SMARCC2: variants seen among roughly 807,000 people sequenced by gnomAD.
SMARCC2 encodes the protein SWI/SNF related BAF chromatin remodeling complex subunit C2, also known as SWI/SNF complex subunit SMARCC2.
In SMARCC2, 15 loss-of-function variants were observed where a neutral mutation model predicts 151.3. The observed-to-expected ratio is 0.10, with a 90% CI of 0.07 to 0.15. The LOEUF (loss-of-function observed/expected upper bound fraction) is 0.15, where lower values mean the gene tolerates loss of function less well. Among genes scored for constraint, SMARCC2 ranks in the 10% least tolerant of loss-of-function variants. SMARCC2 has a pLI of 1.00. For missense variants in SMARCC2, 1,031 were observed against 1,599.7 expected (o/e 0.64, Z 6.06); for synonymous variants, 590 against 609.5 (o/e 0.97, Z 0.47).
rs1555224719 is a variant in SMARCC2 at position 56,186,137 on chromosome 12, T to C, written c.317+18A>G. The C allele has an allele frequency of 5.9e-6, 9 of 1,526,332 alleles. No homozygotes were observed. In the East Asian group the frequency reaches 1.3e-4, roughly 23 times the overall value. The allele number at this position is 1,526,332 out of a possible 1,614,324, so 94.5% of individuals were successfully genotyped here. On this transcript the variant is annotated intron_variant, in intron 3 of 28. Coordinates refer to ENST00000550164, the MANE Select transcript of SMARCC2 (RefSeq NM_001330288.2). ...TCCTCTAAACTAAATATAAGAAGAA[T>C]AGAGAGAATCATCTCACCATCCCTG...
At chr12:56,164,882 G>T (rs372743041) in intron 27 of SMARCC2, 151 bp from the exon 28 acceptor site, 6 of 676,830 alleles carry the variant, frequency 8.9e-6, no homozygotes, top group Non-Finnish European at 1.5e-5. Flanking sequence ...TCCGCCTCCC[G>T]GGTTTAAGCA....
At chr12:56,181,159 A>G (rs1432761635) in intron 10 of SMARCC2, 58 bp from the exon 11 acceptor site, 2 of 1,556,952 alleles carry the variant, frequency 1.3e-6, no homozygotes, top group Non-Finnish European at 1.7e-6. Flanking sequence ...GAGTCCCTGG[A>G]AGTTGAAGTT....
At chr12:56,175,568 A>C (rs1267333024) in intron 15 of SMARCC2, among the ~76,000 whole-genome samples, 1 of 152,216 alleles carries the variant, frequency 6.6e-6, no homozygotes, top group Non-Finnish European at 1.5e-5. Flanking sequence ...ATAAAGTACT[A>C]GTATAGTGCC....
At chr12:56,167,169 T>C (rs968337887) in intron 26 of SMARCC2, among the ~76,000 whole-genome samples, 8 of 149,978 alleles carry the variant, frequency 5.3e-5, no homozygotes, top group South Asian at 2.1e-4. Context: ...CTGACCAACA[T>C]AGAGAAACCC....
At chr12:56,187,792 G>C (rs1305116252) in intron 1 of SMARCC2, among the ~76,000 whole-genome samples, 1 of 152,188 alleles carries the variant, frequency 6.6e-6, no homozygotes, top group African/African-American at 2.4e-5. Context: ...AGTTGACTGA[G>C]TGAGCTTGTG....
intron 26 of SMARCC2, among the ~76,000 whole-genome samples, chr12:56,166,708 G>C (rs1325402910): frequency 1.3e-5 from 2 of 151,438 alleles, no homozygotes; most frequent in Non-Finnish European, 1.5e-5. Context: ...TCCCACCTCA[G>C]CTTCCTGAGT....
chr12:56,173,885 T>C (rs1043943529), intron 16 of SMARCC2, 36 bp from the exon 17 acceptor site: 2 of 1,587,666 alleles, frequency 1.3e-6, no homozygotes, highest in South Asian at 1.1e-5. Flanking sequence ...GTCACACGGA[T>C]AGCCAGAAAG....
chr12:56,181,176 A>T, intron 10 of SMARCC2, 75 bp from the exon 11 acceptor site: 2 of 1,463,654 alleles, frequency 1.4e-6, no homozygotes, highest in Middle Eastern at 3.6e-4. Context: ...AGTTCAAGGG[A>T]AGGGAAGTGA....
In SMARCC2 at chr12:56,166,386, C is replaced by T. The variant is rs555543152; in HGVS notation, c.2851-687G>A. On this transcript the variant is annotated intron_variant, in intron 26 of 28. Coordinates refer to ENST00000550164, the MANE Select transcript of SMARCC2 (RefSeq NM_001330288.2). ...AGGATGGTCTCGATCTCCTTGATCTCGTGATCCACCTGCCTCAGCCTCCCA... is the reference window on the plus strand; with the variant it reads ...AGGATGGTCTCGATCTCCTTGATCTTGTGATCCACCTGCCTCAGCCTCCCA... Among the ~76,000 whole-genome samples, 4 of 151,866 alleles carry T rather than the reference C, an allele frequency of 2.6e-5. No individual in the cohort carries two copies. In the South Asian group the frequency reaches 6.3e-4, roughly 24 times the overall value.
rs1282159859 is a variant in SMARCC2, at chr12:56,172,449, C to T, written c.1905G>A (p.Gln635=). The T allele has an allele frequency of 1.3e-6, 2 of 1,580,076 alleles. No individual in the cohort carries two copies. The highest frequency in any genetic ancestry group is 2.2e-5 in the East Asian group (1 of 44,468). The change falls in exon 20 of 29, where the codon CAG becomes CAA. Residue 635 remains glutamine (Q), a synonymous_variant. Coordinates refer to ENST00000550164, the MANE Select transcript of SMARCC2 (RefSeq NM_001330288.2). ...AASATREWTE[Q]ETLLLLEALE... is the part of the protein sequence containing the mutation. Reference sequence around the variant, plus strand: ...TTACCTCCAGGAGAAGCAGGGTTTCCTGTTCTGTCCACTCACGAGTGGCAC... The same window carrying T: ...TTACCTCCAGGAGAAGCAGGGTTTCTTGTTCTGTCCACTCACGAGTGGCAC...
intron 26 of SMARCC2, among the ~76,000 whole-genome samples, chr12:56,167,724 C>T (rs1160161898): frequency 1.3e-5 from 2 of 152,046 alleles, no homozygotes; most frequent in African/African-American, 4.8e-5. Context: ...AGAGTCCCTG[C>T]CTCATGGAGC....
chr12:56,168,253 G>A lies in SMARCC2; in HGVS notation c.2716-59C>T, dbSNP rs1873214155. ...GGAGGACCCAACTGAAGACAATACA[G>A]AAGAAAGGTAGGGTGGATGCTGGCA... is the stretch of plus-strand genomic sequence containing the variant. On this transcript the variant is annotated intron_variant, in intron 25 of 28. Coordinates refer to ENST00000550164, the MANE Select transcript of SMARCC2 (RefSeq NM_001330288.2). 41 of 1,598,100 alleles carry A rather than the reference G, an allele frequency of 2.6e-5. 1 individual carries two copies. The South Asian group carries it at 4.3e-4, about 17-fold the overall frequency.
At chr12:56,181,857 T>C (rs777092916) in intron 8 of SMARCC2, 22 bp from the exon 9 acceptor site, 2 of 1,614,164 alleles carry the variant, frequency 1.2e-6, no homozygotes, top group East Asian at 4.5e-5. Flanking sequence ...AGGCAGATCA[T>C]GCTGCAGAGA....
intron 23 of SMARCC2, 93 bp from the exon 24 acceptor site, chr12:56,170,004 T>A (rs1324792591): frequency 2.8e-6 from 4 of 1,448,348 alleles, no homozygotes; most frequent in Non-Finnish European, 3.9e-6. Flanking sequence ...AATTTATTCC[T>A]CTTACTTTGG....
At chr12:56,187,882 T>C (rs1051821765) in intron 1 of SMARCC2, among the ~76,000 whole-genome samples, 4 of 152,144 alleles carry the variant, frequency 2.6e-5, no homozygotes, top group South Asian at 2.1e-4. Context: ...CCCAGCCTGA[T>C]GGAGAAGAGC....
intron 19 of SMARCC2, 39 bp downstream of exon 19, chr12:56,172,546 G>A (rs765183239): frequency 6.2e-6 from 10 of 1,613,386 alleles, no homozygotes; most frequent in South Asian, 1.1e-5. Context: ...TCTGAGGAGC[G>A]AACATTCTCT....
chr12:56,180,943 G>A, intron 11 of SMARCC2, 34 bp downstream of exon 11: 1 of 1,589,446 alleles, frequency 6.3e-7, no homozygotes, highest in South Asian at 1.1e-5. Context: ...ACGGGGAGTG[G>A]GGGTGGATCC....
rs779927633 is a variant in SMARCC2 at position 56,164,505 on chromosome 12, ATGG to A, written c.3456_3458del (p.His1153del). 6.2e-7 allele frequency: 1 copy of A among 1,614,062 alleles called. No homozygotes were observed. ...GGAGAGTGCCCGGGGCGAACGGGAG[ATGG>A]TGGTGATGCCCATGCAGGTTAGGAG... On this transcript the variant is annotated inframe_deletion, in exon 28 of 29. Coordinates refer to ENST00000550164, the MANE Select transcript of SMARCC2 (RefSeq NM_001330288.2).
At chr12:56,167,405 G>A (rs1873006794) in intron 26 of SMARCC2, among the ~76,000 whole-genome samples, 1 of 152,118 alleles carries the variant, frequency 6.6e-6, no homozygotes, top group African/African-American at 2.4e-5. Flanking sequence ...ATCTCACTAT[G>A]TTACCCAGGC....
Sources: gnomAD v4.1 joint callset for allele counts (sites outside exome capture counted in the v4.1 genomes callset) on GRCh38, gnomAD v4.1.1 for gene constraint, MANE v1.5 for transcripts, NCBI Gene and HGNC (gene_info 2026-07-23, HGNC 2026-07-21) for gene names.